The following ADAMTS2 variants were observed in gnomAD, a reference collection of about 807,000 sequenced individuals.
The protein encoded by ADAMTS2 is ADAM metallopeptidase with thrombospondin type 1 motif 2, also known as A disintegrin and metalloproteinase with thrombospondin motifs 2.
Under a neutral mutation model 123.0 loss-of-function variants are expected in ADAMTS2, and 50 were observed. That is an observed-to-expected ratio of 0.41 (90% CI 0.32 to 0.51). The LOEUF (loss-of-function observed/expected upper bound fraction) is 0.51, where lower values mean the gene tolerates loss of function less well. Ranked by LOEUF, ADAMTS2 falls within the 20% of genes least tolerant of loss-of-function variation. ADAMTS2 has a pLI of 0.35. For synonymous variants in ADAMTS2, 678 were observed against 695.4 expected (o/e 0.98, Z 0.39); for missense variants, 1,494 against 1,705.2 (o/e 0.88, Z 2.18).
At chr5:179,328,017 G>A (rs1390874023) in intron 2 of ADAMTS2, among the ~76,000 whole-genome samples, 1 of 152,194 alleles carries the variant, frequency 6.6e-6, no homozygotes, top group South Asian at 2.1e-4. Flanking sequence ...ATCCAAGCGA[G>A]AGATTTAGGT....
rs1214303092 is a variant in ADAMTS2 at position 179,262,834 on chromosome 5, G to A, written c.688+10077C>T. ...AGGGACTCGATCGGGTTCCTCCGCT[G>A]CTACAGCCCCAGCACCCAGTCCTGT... is the stretch of plus-strand genomic sequence containing the variant. On this transcript the variant is annotated intron_variant, in intron 3 of 21. Transcript: ENST00000251582. This position sits in a 1 kb window ranked among gnomAD's most constrained non-coding sequence, Gnocchi z 5.9. Among the ~76,000 whole-genome samples the A allele has an allele frequency of 6.6e-6, 1 of 152,248 alleles. No individual in the cohort carries two copies. The highest frequency in any genetic ancestry group is 1.5e-5 in the Non-Finnish European group (1 of 68,046).
intron 4 of ADAMTS2, among the ~76,000 whole-genome samples, chr5:179,200,865 CAT>C (rs369937162): frequency 1.0e-3 from 153 of 152,282 alleles, no homozygotes; most frequent in African/African-American, 3.3e-3. Flanking sequence ...ATTTCCCACA[CAT>C]GTGACAGACA....
rs564588745 is a variant in ADAMTS2, at chr5:179,122,972, C to A, written c.2959-199G>T. 5.6e-6 allele frequency: 4 copies of A among 713,780 alleles called. No individual in the cohort carries two copies. In the South Asian group the frequency reaches 7.0e-5, roughly 13 times the overall value. The allele number at this position is 713,780 out of a possible 1,614,324, so 44.2% of individuals were successfully genotyped here. A position where few individuals can be genotyped will look rare whatever the true frequency, so the allele number is the denominator to read the frequency against. On this transcript the variant is annotated intron_variant, in intron 19 of 21. Transcript: ENST00000251582. ...ATCTCCTGGGGCTCTAAAGAAGGGACCCACATGCCTGTCTCTCTGAGCTGC... is the reference window on the plus strand; with the variant it reads ...ATCTCCTGGGGCTCTAAAGAAGGGAACCACATGCCTGTCTCTCTGAGCTGC...
chr5:179,217,124 A>T (rs1765001013), intron 3 of ADAMTS2, among the ~76,000 whole-genome samples: 1 of 152,210 alleles, frequency 6.6e-6, no homozygotes, highest in African/African-American at 2.4e-5. Flanking sequence ...GCTGGAAACA[A>T]CACGGGGGTC....
rs550913989 is a variant in ADAMTS2 at position 179,137,845 on chromosome 5, C to G, written c.1875G>C (p.Glu625Asp). 1.9e-6 allele frequency: 3 copies of G among 1,569,170 alleles called. No homozygotes were observed. Among genetic ancestry groups the G allele is most frequent in the African/African-American group, 2.7e-5 (2 of 73,876 alleles). ...AGTACAGGTCCCACTGGCGGCACTGCTCCTCGCGGAAGTCAGCCAGGGAGT... is the reference window on the plus strand; with the variant it reads ...AGTACAGGTCCCACTGGCGGCACTGGTCCTCGCGGAAGTCAGCCAGGGAGT... ...CPDSLADFRE[E>D]QCRQWDLYFE... Residue 625 changes from glutamate (E) to aspartate (D), a missense_variant, in exon 12 of 22, where the codon GAG becomes GAC. Transcript: ENST00000251582.
intron 2 of ADAMTS2, among the ~76,000 whole-genome samples, chr5:179,297,489 C>T (rs1248689667): frequency 6.6e-6 from 1 of 152,084 alleles, no homozygotes; most frequent in Admixed American, 6.5e-5. Context: ...CCTGCTAGTA[C>T]TGTCCAGCCA....
At chr5:179,252,264 A>G (rs974077214) in intron 3 of ADAMTS2, among the ~76,000 whole-genome samples, 37 of 151,152 alleles carry the variant, frequency 2.4e-4, no homozygotes, top group African/African-American at 9.0e-4. Context: ...TCCGCCTCAG[A>G]CTCCCAAAAT....
chr5:179,203,209 C>T (rs1183678199), intron 4 of ADAMTS2, among the ~76,000 whole-genome samples: 2 of 152,224 alleles, frequency 1.3e-5, no homozygotes, highest in African/African-American at 4.8e-5. Context: ...CCCACCAGCT[C>T]CTCCTCCCAG....
chr5:179,178,882 C>T (rs574988808), intron 5 of ADAMTS2, among the ~76,000 whole-genome samples: 12 of 152,324 alleles, frequency 7.9e-5, no homozygotes, highest in African/African-American at 2.6e-4. Context: ...CTGAATACAG[C>T]TTTAACCACA....
intron 3 of ADAMTS2, among the ~76,000 whole-genome samples, chr5:179,240,763 C>A (rs1021468146): frequency 1.3e-5 from 2 of 152,186 alleles, no homozygotes; most frequent in African/African-American, 4.8e-5. Context: ...ACTCTGCAGA[C>A]CCCATGCCTT....
chr5:179,184,509 TAAAAAAAAAAA>T (rs554713153), intron 4 of ADAMTS2, among the ~76,000 whole-genome samples: 1 of 91,416 alleles, frequency 1.1e-5, no homozygotes, highest in African/African-American at 4.6e-5. Flanking sequence ...AGACTCTGTC[TAAAAAAAAAAA>T]AAAAAAAAAA....
intron 2 of ADAMTS2, among the ~76,000 whole-genome samples, chr5:179,313,949 C>T (rs13154213): frequency 0.024 from 1,255 of 51,936 alleles, 156 homozygotes; most frequent in African/African-American, 0.09. Context: ...GGGACGCACA[C>T]GCATTCACAC....
intron 2 of ADAMTS2, among the ~76,000 whole-genome samples, chr5:179,295,458 T>C (rs1449090056): frequency 6.6e-6 from 1 of 152,140 alleles, no homozygotes; most frequent in South Asian, 2.1e-4. Context: ...GCTCTGTGAG[T>C]TGTGCCTTTG....
intron 2 of ADAMTS2, among the ~76,000 whole-genome samples, chr5:179,279,874 C>T (rs191037631): frequency 4.0e-4 from 61 of 152,370 alleles, no homozygotes; most frequent in African/African-American, 1.3e-3. Context: ...CCAAAAGGGA[C>T]GCCAGCGGGC....
intron 2 of ADAMTS2, among the ~76,000 whole-genome samples, chr5:179,322,023 AC>A (rs528253219): frequency 1.4e-3 from 210 of 152,382 alleles, no homozygotes; most frequent in African/African-American, 4.9e-3. Context: ...AAGGGAAGGT[AC>A]AATACGACCC....
At chr5:179,210,643 T>C (rs1010000970) in intron 3 of ADAMTS2, among the ~76,000 whole-genome samples, 1 of 152,200 alleles carries the variant, frequency 6.6e-6, no homozygotes, top group Non-Finnish European at 1.5e-5. Flanking sequence ...ACGCCCTGCG[T>C]CTGGCCCCTG....
At chr5:179,275,341 G>T (rs1766665983) in intron 2 of ADAMTS2, among the ~76,000 whole-genome samples, 1 of 152,090 alleles carries the variant, frequency 6.6e-6, no homozygotes, top group Non-Finnish European at 1.5e-5. Context: ...GACGTGGTAG[G>T]GTAGAGCCGG....
rs947785911 is a variant in ADAMTS2, at chr5:179,137,383, G to A, written c.1951+386C>T. Among the ~76,000 whole-genome samples, 26 of 152,356 alleles carry A rather than the reference G, an allele frequency of 1.7e-4. No homozygotes were observed. In the South Asian group the frequency reaches 1.9e-3, roughly 11 times the overall value. On this transcript the variant is annotated intron_variant, in intron 12 of 21. Coordinates refer to ENST00000251582, the MANE Select transcript of ADAMTS2 (RefSeq NM_014244.5). ...TCTGACACTCGCAACTGAGAGTCCCGACTAATAGAGAAGGTCAGAGGTCAC... is the reference window on the plus strand; with the variant it reads ...TCTGACACTCGCAACTGAGAGTCCCAACTAATAGAGAAGGTCAGAGGTCAC...
intron 2 of ADAMTS2, among the ~76,000 whole-genome samples, chr5:179,339,616 A>T (rs931523842): frequency 6.6e-6 from 1 of 152,226 alleles, no homozygotes; most frequent in South Asian, 2.1e-4. Context: ...TGGGGCCCAC[A>T]GGAGCCTCTG....
Sources: allele counts gnomAD v4.1 joint callset (sites outside exome capture counted in the v4.1 genomes callset), GRCh38; gene constraint gnomAD v4.1.1; non-coding constraint Gnocchi (gnomAD v3.1); transcripts MANE v1.5; gene names NCBI Gene and HGNC (gene_info 2026-07-23, HGNC 2026-07-21).